The following RARB variants were observed in gnomAD, a reference collection of about 807,000 sequenced individuals.
RARB encodes HBV-activated protein.
A neutral mutation model predicts 51.9 loss-of-function variants in RARB; 17 were observed. That is an observed-to-expected ratio of 0.33 (90% confidence interval 0.22 to 0.49). The LOEUF (loss-of-function observed/expected upper bound fraction) is 0.49, where lower values mean the gene tolerates loss of function less well. Ranked by LOEUF, RARB falls within the 20% of genes least tolerant of loss-of-function variation. The pLI is 0.99. For synonymous variants in RARB, 215 were observed against 195.4 expected (o/e 1.10, Z -0.84); for missense variants, 369 against 550.8 (o/e 0.67, Z 3.30).
intron 5 of RARB, among the ~76,000 whole-genome samples, chr3:25,336,769 C>T (rs909357137): frequency 6.6e-5 from 10 of 152,036 alleles, no homozygotes; most frequent in East Asian, 1.9e-4. Context: ...CAAGCAATAC[C>T]GGGAGAATTG....
intron 2 of RARB, among the ~76,000 whole-genome samples, chr3:25,031,421 A>G (rs1389282452): frequency 6.6e-6 from 1 of 152,214 alleles, no homozygotes; most frequent in Non-Finnish European, 1.5e-5. Context: ...TCCCAAGGAA[A>G]GAGAACTGAT....
In RARB at chr3:25,057,005, A is replaced by T. The variant is rs552449206; in HGVS notation, c.-379-3120A>T. Among the ~76,000 whole-genome samples, 6 of 152,196 alleles carry T rather than the reference A, an allele frequency of 3.9e-5. No homozygotes were observed. The South Asian group carries it at 1.0e-3, about 26-fold the overall frequency. On this transcript the variant is annotated intron_variant, in intron 2 of 11. Coordinates refer to the RARB transcript ENST00000383772. ...GTTAGATGTTCAGAAGTTGTATTTC[A>T]TGGTGGCACTCCCCAGTATGTTTCC...
chr3:25,412,338 A>G (rs575270079), intron 5 of RARB, among the ~76,000 whole-genome samples: 1 of 152,318 alleles, frequency 6.6e-6, no homozygotes, highest in East Asian at 1.9e-4. Context: ...GCTATTAACC[A>G]AGGGGGCCTA....
chr3:25,166,480 C>A (rs1006784213), intron 4 of RARB, among the ~76,000 whole-genome samples: 2 of 152,066 alleles, frequency 1.3e-5, no homozygotes, highest in African/African-American at 4.8e-5. Flanking sequence ...AAAAAAATGG[C>A]AATATATATG....
intron 3 of RARB, among the ~76,000 whole-genome samples, chr3:25,089,563 C>A (rs1347186182): frequency 6.6e-6 from 1 of 152,008 alleles, no homozygotes; most frequent in Non-Finnish European, 1.5e-5. Flanking sequence ...AGTAAATTAA[C>A]TGTTCTTACC....
At chr3:25,122,208 A>G (rs748204200) in intron 3 of RARB, among the ~76,000 whole-genome samples, 8 of 152,090 alleles carry the variant, frequency 5.3e-5, no homozygotes, top group Non-Finnish European at 1.2e-4. Flanking sequence ...AAAAGCAAGT[A>G]TTTTGCAAAA....
intron 2 of RARB, among the ~76,000 whole-genome samples, chr3:25,048,551 A>T: frequency 6.6e-6 from 1 of 152,062 alleles, no homozygotes. Flanking sequence ...AATATTTATA[A>T]TTGTGTCTAC....
intron 5 of RARB, among the ~76,000 whole-genome samples, chr3:25,205,746 C>T (rs146918046): frequency 3.4e-5 from 5 of 147,532 alleles, no homozygotes; most frequent in South Asian, 2.1e-4. Flanking sequence ...TATTAAAAAC[C>T]TTTTTTTTTT....
chr3:25,309,418 C>T (rs574270521), intron 5 of RARB, among the ~76,000 whole-genome samples: 8 of 142,412 alleles, frequency 5.6e-5, no homozygotes, highest in Non-Finnish European at 9.2e-5. Context: ...GGATAACAGG[C>T]GTGAGCCACC....
chr3:25,436,808 C>G (rs1708454755), intron 1 of RARB, among the ~76,000 whole-genome samples: 1 of 152,142 alleles, frequency 6.6e-6, no homozygotes, highest in African/African-American at 2.4e-5. Flanking sequence ...TCTCCCTTTC[C>G]AAGAGTTTTA....
At chr3:25,383,757 G>A (rs964837633) in intron 5 of RARB, among the ~76,000 whole-genome samples, 5 of 152,100 alleles carry the variant, frequency 3.3e-5, no homozygotes, top group African/African-American at 7.2e-5. Context: ...GTGAAACCCC[G>A]TCTCTATTTA....
chr3:25,338,219 T>C (rs1705123194), intron 5 of RARB, among the ~76,000 whole-genome samples: 1 of 152,056 alleles, frequency 6.6e-6, no homozygotes, highest in Non-Finnish European at 1.5e-5. Context: ...AAGCCCTAAT[T>C]TCCTAATCCA....
At chr3:25,293,095 C>A (rs181011519) in intron 5 of RARB, among the ~76,000 whole-genome samples, 367 of 152,214 alleles carry the variant, frequency 2.4e-3, no homozygotes, top group African/African-American at 8.3e-3. Context: ...TTATTCACAG[C>A]CTGGCTGTGC....
rs1292396908 is a variant in RARB, at chr3:24,895,387, A to G, written c.-380+36635A>G. Among the ~76,000 whole-genome samples the G allele has an allele frequency of 2.0e-5, 3 of 152,200 alleles. No individual in the cohort carries two copies. The East Asian group carries it at 5.8e-4, about 29-fold the overall frequency. ...CAGAATCACCTGGAAAGTGGGTTAA[A>G]ACACAGACTACTTGGTCCTACCTCC... On this transcript the variant is annotated intron_variant, in intron 2 of 11. Transcript: ENST00000383772.
chr3:25,064,948 C>T (rs972897888), intron 3 of RARB, among the ~76,000 whole-genome samples: 2 of 152,134 alleles, frequency 1.3e-5, no homozygotes, highest in African/African-American at 4.8e-5. Context: ...ACTAACCCAG[C>T]TTATGTGAGC....
At chr3:25,302,126 A>G (rs978441025) in intron 5 of RARB, among the ~76,000 whole-genome samples, 1 of 152,214 alleles carries the variant, frequency 6.6e-6, no homozygotes, top group Non-Finnish European at 1.5e-5. Context: ...GTCAGACAGT[A>G]ACAGGTGTTA....
chr3:25,174,425 G>C, exon 5 of RARB: 1 of 1,352,090 alleles, frequency 7.4e-7, no homozygotes, highest in Non-Finnish European at 9.8e-7. Context: ...CGCATGTCCG[G>C]TCCCAGCAGT....
intron 5 of RARB, among the ~76,000 whole-genome samples, chr3:25,351,904 C>A (rs1321469626): frequency 1.3e-5 from 2 of 152,172 alleles, no homozygotes; most frequent in Non-Finnish European, 2.9e-5. Flanking sequence ...TAACCAAGTT[C>A]TTCAAAGATG....
chr3:25,079,355 T>C (rs1033149581), intron 3 of RARB, among the ~76,000 whole-genome samples: 1 of 152,214 alleles, frequency 6.6e-6, no homozygotes, highest in Non-Finnish European at 1.5e-5. Flanking sequence ...AACTGAATGC[T>C]AATTCTTTTT....
Sources: allele counts gnomAD v4.1 joint callset (sites outside exome capture counted in the v4.1 genomes callset), GRCh38; gene constraint gnomAD v4.1.1; transcripts MANE v1.5; gene names NCBI Gene and HGNC (gene_info 2026-07-23, HGNC 2026-07-21).